The following MAPK15 variants were observed in gnomAD, a reference collection of about 807,000 sequenced individuals.
The protein encoded by MAPK15 is mitogen-activated protein kinase 15.
MAPK15 carries 61 observed loss-of-function variants against 60.8 expected under a neutral mutation model. That is an observed-to-expected ratio of 1.00 (90% CI 0.82 to 1.24). MAPK15 has a LOEUF of 1.24. MAPK15 is among the 50% of genes most tolerant of loss of function. The pLI, the probability that MAPK15 is intolerant of heterozygous loss-of-function variation, is 0.00. For missense variants in MAPK15, 808 were observed against 741.1 expected, an observed-to-expected ratio of 1.09 and a Z score of -1.05; for synonymous variants, 356 against 319.9, an observed-to-expected ratio of 1.11 and a Z score of -1.21.
At position 143,720,522 on chromosome 8, in the gene MAPK15, G is replaced by C. The variant is rs932521092; in HGVS notation, c.780-181G>C. 2 of 1,453,940 alleles carry C rather than the reference G, an allele frequency of 1.4e-6. No individual in the cohort carries two copies. Among genetic ancestry groups the C allele is most frequent in the South Asian group, 1.5e-5 (1 of 68,262 alleles). The allele number at this position is 1,453,940 out of a possible 1,614,324, so 90.1% of individuals were successfully genotyped here. A position where few individuals can be genotyped will look rare whatever the true frequency, so the allele number is the denominator to read the frequency against. ...GGCGTGGAGAGGAGGGCACCAGGGG[G>C]CCGCAGGGGTCTCTCCACCCTGCAG... On this transcript the variant is annotated intron_variant, in intron 8 of 13. Transcript: ENST00000338033. The surrounding 1 kb of genome is among the most constrained non-coding windows in gnomAD (Gnocchi z 4.6).
intron 1 of MAPK15, 37 bp from the exon 2 acceptor site, chr8:143,717,657 G>A (rs782440124): frequency 3.3e-6 from 5 of 1,530,940 alleles, no homozygotes; most frequent in Non-Finnish European, 4.5e-6. Context: ...GGGATGGGGG[G>A]AAGGGGCTGG....
At position 143,722,327 on chromosome 8, in the gene MAPK15, C is replaced by T. The variant is rs2131584648; in HGVS notation, c.*76C>T. ...CCAGACCCCTCTCCAGTCTCCTGCA[C>T]CCCTTAGCCCTCCCTGCTTTGCCTG... On this transcript the variant is annotated 3_prime_UTR_variant, in exon 14 of 14. Transcript: ENST00000338033. 7.6e-7 allele frequency: 1 copy of T among 1,322,978 alleles called. No homozygotes were observed. The highest frequency in any genetic ancestry group is 1.0e-6 in the Non-Finnish European group (1 of 984,872). The allele number at this position is 1,322,978 out of a possible 1,614,324, so 82.0% of individuals were successfully genotyped here.
At position 143,716,417 on chromosome 8, in the gene MAPK15, C is replaced by G. The variant is rs1554618349; in HGVS notation, c.40C>G (p.Leu14Val). Residue 14 changes from leucine (L) to valine (V), a missense_variant, in exon 1 of 14, where the codon CTA (leucine) becomes GTA (valine). By Grantham distance (32) the Leu-to-Val change is conservative (BLOSUM62 1). Coordinates refer to ENST00000338033, the MANE Select transcript of MAPK15 (RefSeq NM_139021.3). ...GGACCCTCGCATTGTCCGGAGATAC[C>G]TACTCAGGCGGCAGCTCGGGCAGGG... is the stretch of plus-strand genomic sequence containing the variant. ...VVDPRIVRRY[L>V]LRRQLGQGAY... 2 of 1,605,464 alleles carry G rather than the reference C, an allele frequency of 1.2e-6. No homozygotes were observed. The highest frequency in any genetic ancestry group is 8.5e-7 in the Non-Finnish European group (1 of 1,176,872).
At chr8:143,718,736 G>GC (rs1169141627) in intron 4 of MAPK15, 39 bp from the exon 5 acceptor site, 4 of 132,348 alleles carry the variant, frequency 3.0e-5, no homozygotes, top group Non-Finnish European at 5.1e-5. Flanking sequence ...TGCCCCCCCA[G>GC]CCCCCCACCC....
Position 143,721,253 on chromosome 8 carries a change from G to A in MAPK15, c.1046G>A (p.Ser349Asn). 2 of 1,612,092 alleles carry A rather than the reference G, an allele frequency of 1.2e-6. No homozygotes were observed. The highest frequency in any genetic ancestry group is 1.7e-6 in the Non-Finnish European group (2 of 1,179,182). The change falls in exon 11 of 14, where the codon AGC (serine) becomes AAC (asparagine). Residue 349 changes from serine (S) to asparagine (N), a missense_variant. Transcript: ENST00000338033. ...VYQMILECGG[S>N]SGTSREKGPE... is the part of the protein sequence containing the mutation. ...CAGATGATCCTGGAGTGTGGAGGCA[G>A]CAGCGGCACCTCGAGAGAGAAGGGC...
Position 143,722,072 on chromosome 8 carries a change from C to A in MAPK15, c.1459-3C>A, listed in dbSNP as rs782114067. On this transcript the variant is annotated splice_polypyrimidine_tract_variant and splice_region_variant and intron_variant, in intron 13 of 13. Transcript: ENST00000338033. ...CCTTTATGTGACCCTCAACTGTACA[C>A]AGGTCCCTCCCCGGCTTCCTCCGGA... 1.2e-6 allele frequency: 2 copies of A among 1,611,744 alleles called. No individual in the cohort carries two copies. The highest frequency in any genetic ancestry group is 3.3e-5 in the Admixed American group (2 of 59,960).
intron 4 of MAPK15, 27 bp from the exon 5 acceptor site, chr8:143,718,748 C>CCCCCCCCCA: frequency 6.6e-7 from 1 of 1,510,596 alleles, no homozygotes; most frequent in Non-Finnish European, 8.9e-7. Context: ...CCCCCACCCC[C>CCCCCCCCCA]GACTGCAGTG....
chr8:143,722,401 A>T lies in MAPK15; in HGVS notation c.*150A>T, dbSNP rs1354895383. 1 of 620,398 alleles carries T rather than the reference A, an allele frequency of 1.6e-6. No homozygotes were observed. Among genetic ancestry groups the T allele is most frequent in the African/African-American group, 1.9e-5 (1 of 52,222 alleles). The allele number at this position is 620,398 out of a possible 1,614,324, so 38.4% of individuals were successfully genotyped here. ...TGCCCGGGTCTCCTCGGGGGAGCAG[A>T]TGAGGGCCCTGCCCCCGCCCCACTG... On this transcript the variant is annotated 3_prime_UTR_variant, in exon 14 of 14. Transcript: ENST00000338033.
chr8:143,719,565 A>AG, intron 7 of MAPK15, 83 bp downstream of exon 7: 2 of 1,514,510 alleles, frequency 1.3e-6, no homozygotes, highest in Non-Finnish European at 1.8e-6. Context: ...CTGACAGGCT[A>AG]GGACTGTGCT....
Position 143,720,715 on chromosome 8 carries a change from G to T in MAPK15, c.792G>T (p.Thr264=), listed in dbSNP as rs782221286. 7 of 1,611,886 alleles carry T rather than the reference G, an allele frequency of 4.3e-6. No homozygotes were observed. The highest frequency in any genetic ancestry group is 2.7e-5 in the African/African-American group (2 of 74,882). Residue 264 remains threonine, a synonymous_variant, in exon 9 of 14, where the codon ACG becomes ACT. Coordinates refer to ENST00000338033, the MANE Select transcript of MAPK15 (RefSeq NM_139021.3). The surrounding 1 kb of genome is among the most constrained non-coding windows in gnomAD (Gnocchi z 4.6). The part of the protein sequence containing the change: ...LHQLGSRPRQ[T]LDALLPPDTS... The stretch of plus-strand genomic sequence containing the variant: ...CGGCAGCCCACAGGCCACGACAGAC[G>T]CTGGATGCCCTCCTACCGCCAGACA...
At chr8:143,717,615 CTCAT>C in intron 1 of MAPK15, 75 bp from the exon 2 acceptor site, 2 of 1,257,686 alleles carry the variant, frequency 1.6e-6, no homozygotes, top group Non-Finnish European at 1.1e-6. Context: ...AAGGAGGAGC[CTCAT>C]GTCTGTAGGG....
rs782083079 is a variant in MAPK15, at chr8:143,719,377, T to C, written c.616T>C (p.Cys206Arg). 1 of 1,611,588 alleles carries C rather than the reference T, an allele frequency of 6.2e-7. No homozygotes were observed. Among genetic ancestry groups the C allele is most frequent in the Admixed American group, 1.7e-5 (1 of 59,752 alleles). ...TGGGGTGGACATGTGGAGTCTGGGC[T>C]GTATCCTGGGGGAGATGCTGCGGGG... ...TLGVDMWSLG[C>R]ILGEMLRGRP... The change falls in exon 7 of 14, where the codon TGT (cysteine) becomes CGT (arginine). Residue 206 changes from cysteine to arginine, a missense_variant. Physicochemically the swap from Cys to Arg is radical, Grantham distance 180. Coordinates refer to ENST00000338033, the MANE Select transcript of MAPK15 (RefSeq NM_139021.3).
chr8:143,718,116 G>A, intron 3 of MAPK15, 40 bp downstream of exon 3: 1 of 1,613,986 alleles, frequency 6.2e-7, no homozygotes. Context: ...CCCTTGCCCA[G>A]GTACAGATCT....
At position 143,717,746 on chromosome 8, in the gene MAPK15, C is replaced by T. The variant is rs1330750361; in HGVS notation, c.119C>T (p.Ala40Val). 3 of 1,612,158 alleles carry T rather than the reference C, an allele frequency of 1.9e-6. No homozygotes were observed. In the African/African-American group the frequency reaches 4.0e-5, roughly 22 times the overall value. The change falls in exon 2 of 14, where the codon GCC becomes GTC. Residue 40 changes from alanine to valine, a missense_variant. Physicochemically the swap from Ala to Val is moderately conservative, Grantham distance 64 (BLOSUM62 0). Transcript: ENST00000338033. The part of the protein sequence containing the change: ...AVDRRTGEVV[A>V]IKKIFDAFRD... ...GACCGGAGGACTGGTGAGGTCGTGGCCATCAAGAAAATCTTTGATGCTTTT... is the reference window on the plus strand; with the variant it reads ...GACCGGAGGACTGGTGAGGTCGTGGTCATCAAGAAAATCTTTGATGCTTTT...
In MAPK15 at chr8:143,720,348, C is replaced by A; in HGVS notation, c.779+61C>A. 6.7e-7 allele frequency: 1 copy of A among 1,488,296 alleles called. No individual in the cohort carries two copies. Among genetic ancestry groups the A allele is most frequent in the Non-Finnish European group, 9.0e-7 (1 of 1,115,888 alleles). 92.2% of individuals were successfully genotyped at this position (1,488,296 alleles called of 1,614,324 possible). On this transcript the variant is annotated intron_variant, in intron 8 of 13. Transcript: ENST00000338033. This position sits in a 1 kb window ranked among gnomAD's most constrained non-coding sequence, Gnocchi z 4.6. ...GCCTATCTCAAGGGAGCAGGGCCAC[C>A]TTCCTGCAAGTTTACTGGGGCCAGT...
At position 143,720,404 on chromosome 8, in the gene MAPK15, A is replaced by G; in HGVS notation, c.779+117A>G. ...CCAGTTCAGATTCTGCCTGTTTTCA[A>G]GATGGCAGTCCCAAACCCAACAACT... On this transcript the variant is annotated intron_variant, in intron 8 of 13. Transcript: ENST00000338033. This position sits in a 1 kb window ranked among gnomAD's most constrained non-coding sequence, Gnocchi z 4.6. The G allele has an allele frequency of 6.9e-7, 1 of 1,451,126 alleles. No homozygotes were observed. Among genetic ancestry groups the G allele is most frequent in the South Asian group, 1.5e-5 (1 of 68,334 alleles). The allele number at this position is 1,451,126 out of a possible 1,614,324, so 89.9% of individuals were successfully genotyped here.
At chr8:143,717,233 G>C (rs1159329819) in intron 1 of MAPK15, among the ~76,000 whole-genome samples, 1 of 152,178 alleles carries the variant, frequency 6.6e-6, no homozygotes. Context: ...GCGGCAGACG[G>C]AGATGAGTTA....
intron 6 of MAPK15, 56 bp from the exon 7 acceptor site, chr8:143,719,287 C>T: frequency 6.4e-7 from 1 of 1,550,610 alleles, no homozygotes; most frequent in Non-Finnish European, 8.7e-7. Context: ...CCCCAGCAAC[C>T]CCACCCCCAC....
chr8:143,718,476 G>C (rs1037974976), intron 4 of MAPK15, 174 bp downstream of exon 4: 16 of 691,082 alleles, frequency 2.3e-5, no homozygotes, highest in Non-Finnish European at 3.8e-5. Context: ...TCAGCCTCCA[G>C]AGCCAGCAGC....
Sources: allele counts gnomAD v4.1 joint callset (sites outside exome capture counted in the v4.1 genomes callset), GRCh38; gene constraint gnomAD v4.1.1; non-coding constraint Gnocchi (gnomAD v3.1); transcripts MANE v1.5; gene names NCBI Gene and HGNC (gene_info 2026-07-23, HGNC 2026-07-21).